DGKI: variants seen among roughly 807,000 people sequenced by gnomAD.
DGKI encodes the protein DAG kinase iota.
A neutral mutation model predicts 147.5 loss-of-function variants in DGKI; 55 were observed. That is an observed-to-expected ratio of 0.37 (90% CI 0.30 to 0.47). The LOEUF is 0.47. Among genes scored for constraint, DGKI ranks in the 20% least tolerant of loss-of-function variants. The pLI, the probability that DGKI is intolerant of heterozygous loss-of-function variation, is 1.00. For missense variants in DGKI, 1,007 were observed against 1,323.8 expected (o/e 0.76, Z 3.71); for synonymous variants, 469 against 477.1 (o/e 0.98, Z 0.22).
intron 23 of DGKI, among the ~76,000 whole-genome samples, chr7:137,470,970 A>C (rs955693108): frequency 6.6e-6 from 1 of 152,228 alleles, no homozygotes; most frequent in Non-Finnish European, 1.5e-5. Flanking sequence ...CTTATAAAGA[A>C]TTAAGGCTAC....
At chr7:137,586,302 C>G (rs71541360) in intron 13 of DGKI, among the ~76,000 whole-genome samples, 18,808 of 151,978 alleles carry the variant, frequency 0.12, 1,532 homozygotes, top group African/African-American at 0.24. Context: ...GTGGCGGGCA[C>G]CTGTAATCCC....
intron 1 of DGKI, among the ~76,000 whole-genome samples, chr7:137,778,029 G>A (rs373584718): frequency 6.6e-5 from 10 of 152,170 alleles, no homozygotes; most frequent in Non-Finnish European, 1.2e-4. Flanking sequence ...CTACCAAGGC[G>A]TACACAGCTC....
intron 1 of DGKI, among the ~76,000 whole-genome samples, chr7:137,832,292 C>A (rs1006377217): frequency 3.9e-5 from 6 of 152,244 alleles, no homozygotes; most frequent in Non-Finnish European, 8.8e-5. Context: ...ACTGCCCTAG[C>A]AGAGGTTCTC....
intron 1 of DGKI, among the ~76,000 whole-genome samples, chr7:137,717,033 A>G (rs1341811111): frequency 6.6e-6 from 1 of 152,154 alleles, no homozygotes; most frequent in Non-Finnish European, 1.5e-5. Context: ...CTTGTACTAT[A>G]TGGTAAACTT....
intron 1 of DGKI, among the ~76,000 whole-genome samples, chr7:137,829,758 A>C (rs1012893344): frequency 2.6e-5 from 4 of 152,244 alleles, no homozygotes; most frequent in African/African-American, 9.6e-5. Context: ...GTTTTAGCCA[A>C]AGTCCACATG....
chr7:137,472,432 G>A (rs1297222231), intron 23 of DGKI, among the ~76,000 whole-genome samples: 2 of 128,630 alleles, frequency 1.6e-5, no homozygotes, highest in South Asian at 2.3e-4. Context: ...CATATTATAT[G>A]TACATATACA....
At chr7:137,424,643 G>T (rs1178930074) in intron 28 of DGKI, among the ~76,000 whole-genome samples, 1 of 152,202 alleles carries the variant, frequency 6.6e-6, no homozygotes, top group Non-Finnish European at 1.5e-5. Context: ...GTCAGAGAAA[G>T]GGGTGACAGA....
chr7:137,524,692 T>C lies in DGKI; in HGVS notation c.2148-2726A>G, dbSNP rs1428414834. Among the ~76,000 whole-genome samples the C allele has an allele frequency of 2.0e-5, 3 of 152,240 alleles. No individual in the cohort carries two copies. In the East Asian group the frequency reaches 5.8e-4, roughly 29 times the overall value. ...GGGAAGCTGGAACCATAGAATGTAG[T>C]GGCCTATCAGACCCTAATAGGAGAA... On this transcript the variant is annotated intron_variant, in intron 20 of 32. Transcript: ENST00000614521.
intron 1 of DGKI, among the ~76,000 whole-genome samples, chr7:137,824,178 A>G (rs891124367): frequency 4.6e-5 from 7 of 152,208 alleles, no homozygotes; most frequent in Non-Finnish European, 8.8e-5. Context: ...CAGTTAATAT[A>G]TCATAACAAC....
At chr7:137,816,533 C>T (rs796289670) in intron 1 of DGKI, among the ~76,000 whole-genome samples, 11 of 152,294 alleles carry the variant, frequency 7.2e-5, no homozygotes, top group African/African-American at 2.6e-4. Flanking sequence ...ATATATTGAA[C>T]TTTTCCATGC....
intron 4 of DGKI, 64 bp from the exon 5 acceptor site, chr7:137,654,852 G>C (rs1010080729): frequency 5.7e-6 from 4 of 697,146 alleles, no homozygotes; most frequent in Non-Finnish European, 8.9e-6. Flanking sequence ...TGAATTACCT[G>C]AAAAAAAAAA....
chr7:137,502,638 C>T (rs1410941452), intron 21 of DGKI, among the ~76,000 whole-genome samples: 1 of 152,174 alleles, frequency 6.6e-6, no homozygotes, highest in East Asian at 1.9e-4. Flanking sequence ...GTTATTTAAT[C>T]TTTGCCACAA....
At chr7:137,459,655 T>C (rs13239329) in intron 27 of DGKI, among the ~76,000 whole-genome samples, 7,175 of 151,810 alleles carry the variant, frequency 0.047, 198 homozygotes, top group Middle Eastern at 0.11. Context: ...TTTGTATTTT[T>C]AGTAGAGACG....
At chr7:137,627,420 T>A (rs1820982132) in intron 6 of DGKI, among the ~76,000 whole-genome samples, 1 of 152,242 alleles carries the variant, frequency 6.6e-6, no homozygotes, top group African/African-American at 2.4e-5. Context: ...CATGCCATGA[T>A]ATTTTCTGAT....
chr7:137,703,899 GAGA>G (rs1793913656), intron 1 of DGKI, among the ~76,000 whole-genome samples: 1 of 152,056 alleles, frequency 6.6e-6, no homozygotes, highest in African/African-American at 2.4e-5. Context: ...AATTTTTTTG[GAGA>G]AGATCAGACA....
chr7:137,539,305 T>A (rs187454882), intron 20 of DGKI, among the ~76,000 whole-genome samples: 2 of 152,240 alleles, frequency 1.3e-5, no homozygotes, highest in African/African-American at 4.8e-5. Flanking sequence ...AACCCTTAGC[T>A]TTCTGGCACA....
At chr7:137,615,187 T>G (rs959331357) in intron 8 of DGKI, among the ~76,000 whole-genome samples, 1 of 152,142 alleles carries the variant, frequency 6.6e-6, no homozygotes, top group African/African-American at 2.4e-5. Context: ...CCATCCTTTG[T>G]GTGTTTCTCC....
At chr7:137,620,136 T>A (rs1255055936) in intron 7 of DGKI, among the ~76,000 whole-genome samples, 196 bp from the exon 8 acceptor site, 1 of 151,746 alleles carries the variant, frequency 6.6e-6, no homozygotes, top group South Asian at 2.1e-4. Context: ...GCTTTCCTCA[T>A]CACCACCCAG....
intron 1 of DGKI, among the ~76,000 whole-genome samples, chr7:137,696,338 T>C (rs932773917): frequency 6.6e-6 from 1 of 151,748 alleles, no homozygotes; most frequent in African/African-American, 2.4e-5. Flanking sequence ...CTCAGACAGA[T>C]TTACCATCAT....
Sources: allele counts gnomAD v4.1 joint callset (sites outside exome capture counted in the v4.1 genomes callset), GRCh38; gene constraint gnomAD v4.1.1; transcripts MANE v1.5; gene names NCBI Gene and HGNC (gene_info 2026-07-23, HGNC 2026-07-21).